Variants in TMEM17 observed in about 807,000 individuals in gnomAD.
TMEM17 encodes the protein transmembrane protein 17.
Under a neutral mutation model 19.1 loss-of-function variants are expected in TMEM17, and 15 were observed. The observed-to-expected ratio is 0.78, with a 90% CI of 0.52 to 1.21. The LOEUF is 1.21. TMEM17 is among the 50% of genes most tolerant of loss of function. The pLI, the probability that TMEM17 is intolerant of heterozygous loss-of-function variation, is 0.00. For synonymous variants in TMEM17, 103 were observed against 86.9 expected (o/e 1.19, Z -1.03); for missense variants, 245 against 242.3 (o/e 1.01, Z -0.07).
At chr2:62,495,845 C>A (rs1679763889), downstream of TMEM17, among the ~76,000 whole-genome samples, 1 of 152,158 alleles carries the variant, frequency 6.6e-6, no homozygotes, top group East Asian at 1.9e-4. Context: ...ATTTCATGCT[C>A]CATGCTTCTG....
the TMEM17 span, among the ~76,000 whole-genome samples, chr2:62,459,233 C>T: frequency 6.6e-6 from 1 of 152,232 alleles, no homozygotes; most frequent in Non-Finnish European, 1.5e-5. Flanking sequence ...AGGGGTCTGC[C>T]TTCCACCTTG....
Position 62,502,696 on chromosome 2 carries a change from T to A in TMEM17, c.199A>T (p.Met67Leu). ...WWVSSIMMLH[M>L]KYSILPDYYK... Reference sequence around the variant, plus strand: ...GTATTAAAGCTTAGATTTACCTTCATGTGAAGCATCATAATGCTGCTCACC... The same window carrying A: ...GTATTAAAGCTTAGATTTACCTTCAAGTGAAGCATCATAATGCTGCTCACC... The change falls in exon 2 of 4, where the codon ATG becomes TTG. Residue 67 changes from methionine to leucine, a missense_variant. Coordinates refer to ENST00000335390, the MANE Select transcript of TMEM17 (RefSeq NM_198276.3). The A allele has an allele frequency of 6.3e-7, 1 of 1,596,274 alleles. No homozygotes were observed. The highest frequency in any genetic ancestry group is 8.5e-7 in the Non-Finnish European group (1 of 1,173,766).
the TMEM17 span, among the ~76,000 whole-genome samples, chr2:62,470,510 C>T: frequency 9.2e-5 from 14 of 152,198 alleles, no homozygotes; most frequent in Non-Finnish European, 2.1e-4. Flanking sequence ...AGTGCAGTGT[C>T]GATAGATGAA....
At chr2:62,482,736 C>T in the TMEM17 span, among the ~76,000 whole-genome samples, 7 of 152,242 alleles carry the variant, frequency 4.6e-5, no homozygotes, top group Admixed American at 1.3e-4. Context: ...CTCAACATGT[C>T]GAGCACGCTC....
intron 3 of TMEM17, 107 bp from the exon 4 acceptor site, chr2:62,501,594 T>C: frequency 1.8e-6 from 2 of 1,116,766 alleles, no homozygotes; most frequent in Non-Finnish European, 1.3e-6. Context: ...ATGGGCTCTG[T>C]GAGTGATTCC....
chr2:62,481,706 T>TGTGC, the TMEM17 span, among the ~76,000 whole-genome samples: 1 of 149,702 alleles, frequency 6.7e-6, no homozygotes. Context: ...AAGGTGTGTG[T>TGTGC]GTGTGTGTGT....
chr2:62,486,899 G>A, the TMEM17 span, among the ~76,000 whole-genome samples: 2 of 152,086 alleles, frequency 1.3e-5, no homozygotes. Context: ...TTTCTCTTGT[G>A]GATGCGCTTT....
chr2:62,473,369 A>G, the TMEM17 span, among the ~76,000 whole-genome samples: 8 of 152,300 alleles, frequency 5.3e-5, no homozygotes, highest in African/African-American at 1.9e-4. Flanking sequence ...GGATCTGGCC[A>G]GGACTTAGGA....
At chr2:62,463,866 G>C in the TMEM17 span, 5 of 152,310 alleles carry the variant, frequency 3.3e-5, no homozygotes, top group African/African-American at 9.6e-5. Flanking sequence ...GAGAAGCAGC[G>C]GGACATCAGG....
the TMEM17 span, among the ~76,000 whole-genome samples, chr2:62,472,237 T>C: frequency 6.6e-6 from 1 of 152,212 alleles, no homozygotes; most frequent in Non-Finnish European, 1.5e-5. Flanking sequence ...ACAAAAGCTC[T>C]GAAATGTGAG....
chr2:62,498,331 G>A (rs1219311217), downstream of TMEM17, among the ~76,000 whole-genome samples: 4 of 151,752 alleles, frequency 2.6e-5, no homozygotes, highest in Non-Finnish European at 5.9e-5. Flanking sequence ...AGGCTGCAGT[G>A]AGCCGAGATC....
chr2:62,502,009 A>G (rs576024234), intron 3 of TMEM17: 1 of 164,680 alleles, frequency 6.1e-6, no homozygotes, highest in South Asian at 1.7e-4. Context: ...TCTGGTAACC[A>G]CAAATGCTTA....
chr2:62,495,204 G>C, the TMEM17 span, among the ~76,000 whole-genome samples: 1 of 152,046 alleles, frequency 6.6e-6, no homozygotes, highest in Non-Finnish European at 1.5e-5. Flanking sequence ...AAATGTCTTT[G>C]GCTTTTCATA....
the TMEM17 span, among the ~76,000 whole-genome samples, chr2:62,453,580 A>G: frequency 6.6e-6 from 1 of 152,212 alleles, no homozygotes; most frequent in East Asian, 1.9e-4. Context: ...GGCTGCTATT[A>G]GAGCCTGACA....
At chr2:62,457,042 G>A in the TMEM17 span, among the ~76,000 whole-genome samples, 3 of 152,226 alleles carry the variant, frequency 2.0e-5, no homozygotes, top group Non-Finnish European at 4.4e-5. This position sits in a 1 kb window ranked among gnomAD's most constrained non-coding sequence, Gnocchi z 4.2. Context: ...TCCCGGGGCG[G>A]GCACCGCTTC....
chr2:62,454,917 G>C, the TMEM17 span, among the ~76,000 whole-genome samples: 2 of 152,156 alleles, frequency 1.3e-5, no homozygotes, highest in African/African-American at 4.8e-5. Context: ...TGTTAGCCCA[G>C]GATGGTCTCG....
At chr2:62,487,616 C>T in the TMEM17 span, among the ~76,000 whole-genome samples, 2 of 152,096 alleles carry the variant, frequency 1.3e-5, no homozygotes, top group African/African-American at 4.8e-5. Flanking sequence ...GGGATTATCC[C>T]CTTTAATGGA....
chr2:62,496,510 A>T (rs1254124612), downstream of TMEM17, among the ~76,000 whole-genome samples: 1 of 152,270 alleles, frequency 6.6e-6, no homozygotes. Flanking sequence ...GTAGAAACAT[A>T]GGTAAATACT....
chr2:62,490,255 G>T, the TMEM17 span, among the ~76,000 whole-genome samples: 1 of 149,640 alleles, frequency 6.7e-6, no homozygotes. Flanking sequence ...AAAGTCTGAT[G>T]CATGTGTGTA....
Sources: allele counts gnomAD v4.1 joint callset (sites outside exome capture counted in the v4.1 genomes callset), GRCh38; gene constraint gnomAD v4.1.1; non-coding constraint Gnocchi (gnomAD v3.1); transcripts MANE v1.5; gene names NCBI Gene and HGNC (gene_info 2026-07-23, HGNC 2026-07-21).